Variants in SND1 observed in about 807,000 individuals in gnomAD.
SND1 encodes the protein staphylococcal nuclease and tudor domain containing 1, also known as staphylococcal nuclease domain-containing protein 1.
A neutral mutation model predicts 121.7 loss-of-function variants in SND1; 38 were observed. That is an observed-to-expected ratio of 0.31 (90% CI 0.24 to 0.41). SND1 has a LOEUF of 0.41. SND1 is among the 10% of genes least tolerant of loss of function. SND1 has a pLI of 1.00. For synonymous variants in SND1, 401 were observed against 447.4 expected, an observed-to-expected ratio of 0.90 and a Z score of 1.31; for missense variants, 868 against 1,184.6, an observed-to-expected ratio of 0.73 and a Z score of 3.92.
At chr7:127,880,242 G>A (rs771970159) in intron 12 of SND1, among the ~76,000 whole-genome samples, 14 of 152,156 alleles carry the variant, frequency 9.2e-5, no homozygotes, top group Non-Finnish European at 1.8e-4. Flanking sequence ...CTTGCATATT[G>A]TTATAATTGT....
At chr7:128,023,141 C>T (rs2116967250) in intron 16 of SND1, among the ~76,000 whole-genome samples, 1 of 152,256 alleles carries the variant, frequency 6.6e-6, no homozygotes. Context: ...CATTGCAGCC[C>T]CTTAGCCTGT....
chr7:127,683,295 A>T (rs1181356588), intron 1 of SND1, among the ~76,000 whole-genome samples: 2 of 152,130 alleles, frequency 1.3e-5, no homozygotes, highest in Non-Finnish European at 2.9e-5. Context: ...GGCTCACTGC[A>T]ACCTTGACCT....
intron 11 of SND1, among the ~76,000 whole-genome samples, chr7:127,840,778 T>A (rs1798950373): frequency 6.6e-6 from 1 of 152,314 alleles, no homozygotes; most frequent in East Asian, 1.9e-4. Flanking sequence ...AATTCCTGAT[T>A]TGTCATAGCT....
At position 128,090,292 on chromosome 7, in the gene SND1, C is replaced by T. The variant is rs559362461; in HGVS notation, c.2622+600C>T. ...TCAGGGCTGATCGTGACAATCAGTG[C>T]GCTCGTACCTGAGAAACAGCTTGCA... On this transcript the variant is annotated intron_variant, in intron 22 of 23. Transcript: ENST00000354725. 6.7e-4 allele frequency among the ~76,000 whole-genome samples: 102 copies of T among 152,304 alleles called. 3 individuals are homozygous for T. The South Asian group carries it at 0.018, about 27-fold the overall frequency.
intron 20 of SND1, among the ~76,000 whole-genome samples, chr7:128,086,145 C>T (rs962973395): frequency 1.3e-5 from 2 of 152,194 alleles, no homozygotes; most frequent in African/African-American, 4.8e-5. Flanking sequence ...TTGTTCCATG[C>T]GCTAATCCCC....
intron 10 of SND1, among the ~76,000 whole-genome samples, chr7:127,764,461 G>A (rs974995797): frequency 2.6e-5 from 4 of 152,196 alleles, no homozygotes; most frequent in African/African-American, 9.6e-5. Context: ...AGTTTGTGGT[G>A]TTGCTGTATT....
chr7:127,833,257 T>C (rs913426381), intron 11 of SND1, among the ~76,000 whole-genome samples: 8 of 146,426 alleles, frequency 5.5e-5, no homozygotes, highest in African/African-American at 1.0e-4. Flanking sequence ...GTGATTGAAC[T>C]GTCTTTTTTT....
chr7:127,711,329 T>C (rs1399267443), intron 9 of SND1, among the ~76,000 whole-genome samples: 2 of 152,230 alleles, frequency 1.3e-5, no homozygotes, highest in Non-Finnish European at 2.9e-5. Flanking sequence ...AGACCTTTCA[T>C]GTCCATTCTC....
chr7:127,926,003 C>T (rs1004245550), intron 14 of SND1, among the ~76,000 whole-genome samples: 14 of 151,954 alleles, frequency 9.2e-5, no homozygotes, highest in African/African-American at 3.1e-4. Context: ...TTGCTACTTG[C>T]ACTCTCTCTT....
At chr7:127,678,150 C>T (rs1795646720) in intron 1 of SND1, among the ~76,000 whole-genome samples, 4 of 152,158 alleles carry the variant, frequency 2.6e-5, no homozygotes. Flanking sequence ...CTCCCAAATG[C>T]TTGTTTGTAT....
chr7:128,003,968 A>T (rs1376587674), intron 16 of SND1, among the ~76,000 whole-genome samples: 1 of 151,358 alleles, frequency 6.6e-6, no homozygotes, highest in African/African-American at 2.4e-5. Context: ...CCCAGGGTGC[A>T]CTTAACCACT....
chr7:128,068,232 GCATGCACATGCTCACTCT>G (rs1321102315), intron 16 of SND1, among the ~76,000 whole-genome samples: 1 of 151,970 alleles, frequency 6.6e-6, no homozygotes, highest in Non-Finnish European at 1.5e-5. Flanking sequence ...CTTACCACAT[GCATGCACATGCTCACTCT>G]CTCCCTCCCC....
intron 10 of SND1, among the ~76,000 whole-genome samples, chr7:127,783,922 A>G (rs1344083652): frequency 6.6e-6 from 1 of 152,174 alleles, no homozygotes; most frequent in Non-Finnish European, 1.5e-5. Context: ...CATTGTGTTG[A>G]TAGGAAACAT....
rs906733326 is a variant in SND1, at chr7:127,968,512, G to C, written c.1670-22435G>C. ...TTTTTGTAAGGTTTGATTAGACATC[G>C]ACAGAGGGAAGAAGAATGCTGGGAT... On this transcript the variant is annotated intron_variant, in intron 15 of 23. Transcript: ENST00000354725. Among the ~76,000 whole-genome samples the C allele has an allele frequency of 3.9e-5, 6 of 152,176 alleles. No individual in the cohort carries two copies. In the East Asian group the frequency reaches 1.2e-3, roughly 29 times the overall value.
chr7:127,987,640 A>G (rs1440999315), intron 15 of SND1, among the ~76,000 whole-genome samples: 1 of 152,234 alleles, frequency 6.6e-6, no homozygotes, highest in Non-Finnish European at 1.5e-5. Context: ...CAAGAAAGCC[A>G]TCAGGACCTG....
chr7:127,929,474 C>T, intron 15 of SND1, 145 bp downstream of exon 15: 1 of 804,380 alleles, frequency 1.2e-6, no homozygotes, highest in Non-Finnish European at 2.0e-6. Flanking sequence ...AACACAGTTT[C>T]TAGATTGGAT....
chr7:127,727,604 T>G (rs1157017918), intron 10 of SND1, among the ~76,000 whole-genome samples: 2 of 151,958 alleles, frequency 1.3e-5, no homozygotes, highest in African/African-American at 4.8e-5. Flanking sequence ...AAATAGCAAA[T>G]TAGAGAGGGA....
intron 16 of SND1, among the ~76,000 whole-genome samples, chr7:128,021,861 T>C (rs981136156): frequency 1.3e-5 from 2 of 152,144 alleles, no homozygotes; most frequent in Non-Finnish European, 2.9e-5. Context: ...ACAGGAAACC[T>C]GATACAATAA....
intron 1 of SND1, among the ~76,000 whole-genome samples, chr7:127,662,935 G>A (rs1460110324): frequency 2.8e-5 from 4 of 145,204 alleles, no homozygotes; most frequent in Non-Finnish European, 5.9e-5. Context: ...CTGTCACCCA[G>A]GCTAGAGTAC....
Sources: allele counts gnomAD v4.1 joint callset (sites outside exome capture counted in the v4.1 genomes callset), GRCh38; gene constraint gnomAD v4.1.1; transcripts MANE v1.5; gene names NCBI Gene and HGNC (gene_info 2026-07-23, HGNC 2026-07-21).